Variants in PCDH7 observed in about 807,000 individuals in gnomAD.
PCDH7 encodes the protein protocadherin-7.
PCDH7 carries 17 observed loss-of-function variants against 58.9 expected under a neutral mutation model. That is an observed-to-expected ratio of 0.29 (90% CI 0.20 to 0.43). PCDH7 has a LOEUF of 0.43. PCDH7 is among the 20% of genes least tolerant of loss of function. PCDH7 has a pLI of 1.00. For synonymous variants in PCDH7, 664 were observed against 616.4 expected, an observed-to-expected ratio of 1.08 and a Z score of -1.14; for missense variants, 1,274 against 1,441.0, an observed-to-expected ratio of 0.88 and a Z score of 1.88.
intron 3 of PCDH7, among the ~76,000 whole-genome samples, chr4:31,107,642 T>C (rs1022766401): frequency 2.0e-5 from 3 of 152,202 alleles, no homozygotes; most frequent in Admixed American, 2.0e-4. Flanking sequence ...TTTCTTTGCT[T>C]CAGTTTCACT....
Position 30,935,387 on chromosome 4 carries a change from CA to C in PCDH7, c.288-14731del, listed in dbSNP as rs1178975383. 8.9e-6 allele frequency: 8 copies of C among 896,190 alleles called. No individual in the cohort carries two copies. In the Admixed American group the frequency reaches 4.3e-4, roughly 49 times the overall value. 55.5% of individuals were successfully genotyped at this position (896,190 alleles called of 1,614,324 possible). A position where few individuals can be genotyped will look rare whatever the true frequency, so the allele number is the denominator to read the frequency against. ...ACCTTTTGAATTCGCTATTGGTTTC[CA>C]ATTCTCTAGACTAAGAGTACATGGG... On this transcript the variant is annotated intron_variant, in intron 2 of 3. Coordinates refer to the PCDH7 transcript ENST00000509759.
At chr4:31,114,304 A>G (rs1716719153) in intron 3 of PCDH7, among the ~76,000 whole-genome samples, 1 of 152,090 alleles carries the variant, frequency 6.6e-6, no homozygotes, top group Non-Finnish European at 1.5e-5. Flanking sequence ...TCTTTGGGTA[A>G]ATAATAAATC....
intron 3 of PCDH7, among the ~76,000 whole-genome samples, chr4:31,061,079 C>CT (rs1757653530): frequency 6.6e-6 from 1 of 151,606 alleles, no homozygotes; most frequent in Non-Finnish European, 1.5e-5. Flanking sequence ...AAGTGCATGC[C>CT]TGTCCCCTGT....
At chr4:31,042,218 T>A (rs1348613562) in intron 3 of PCDH7, among the ~76,000 whole-genome samples, 2 of 152,188 alleles carry the variant, frequency 1.3e-5, no homozygotes, top group African/African-American at 4.8e-5. Flanking sequence ...CTCTCATCCC[T>A]GTTTTCTAGA....
intron 2 of PCDH7, among the ~76,000 whole-genome samples, chr4:30,935,918 A>T (rs1745284691): frequency 6.6e-6 from 1 of 152,114 alleles, no homozygotes; most frequent in South Asian, 2.1e-4. Context: ...TTGGAGCACA[A>T]AAGGCTTCAT....
intron 3 of PCDH7, among the ~76,000 whole-genome samples, chr4:31,125,365 C>T (rs1718175162): frequency 6.6e-6 from 1 of 152,188 alleles, no homozygotes; most frequent in African/African-American, 2.4e-5. Context: ...TTTGTAGTTA[C>T]CACTATATCT....
intron 1 of PCDH7, among the ~76,000 whole-genome samples, chr4:30,797,208 T>A (rs1192318316): frequency 6.6e-6 from 1 of 151,936 alleles, no homozygotes; most frequent in East Asian, 1.9e-4. Context: ...AGTGCTGGGA[T>A]TACAGGCGTT....
Position 30,920,211 on chromosome 4 carries a change from C to G in PCDH7, c.131C>G (p.Ser44Ter), listed in dbSNP as rs1264672241. 7.3e-7 allele frequency: 1 copy of G among 1,367,782 alleles called. No homozygotes were observed. Among genetic ancestry groups the G allele is most frequent in the African/African-American group, 1.5e-5 (1 of 67,838 alleles). The allele number at this position is 1,367,782 out of a possible 1,614,324, so 84.7% of individuals were successfully genotyped here. ...CAGCCTCAGGACCCACATCAGGGGT[C>G]ACTGCAGAGTTGCTATGACAGCGGG... Residue 44 changes from serine (S) to a stop codon, truncating the protein, a stop_gained, in exon 2 of 4, where the codon TCA (serine) becomes TGA (stop). Coordinates refer to the PCDH7 transcript ENST00000509759. LOFTEE classifies it high-confidence loss of function.
intron 3 of PCDH7, among the ~76,000 whole-genome samples, chr4:31,012,522 G>A (rs1441332632): frequency 1.3e-5 from 2 of 150,188 alleles, no homozygotes; most frequent in African/African-American, 4.8e-5. Context: ...AATACATTTT[G>A]TACCAATGAG....
intron 2 of PCDH7, among the ~76,000 whole-genome samples, chr4:30,927,679 A>T (rs1744052310): frequency 6.6e-6 from 1 of 152,080 alleles, no homozygotes; most frequent in Non-Finnish European, 1.5e-5. Context: ...AAGAGTCATC[A>T]CCACTCTCTA....
intron 3 of PCDH7, among the ~76,000 whole-genome samples, chr4:31,016,284 A>G (rs998983317): frequency 1.3e-5 from 2 of 152,188 alleles, no homozygotes; most frequent in Non-Finnish European, 2.9e-5. Context: ...GGTTGTGAAC[A>G]TTCTTTTAGG....
chr4:31,010,164 C>A (rs1256041298), intron 3 of PCDH7, among the ~76,000 whole-genome samples: 3 of 151,828 alleles, frequency 2.0e-5, no homozygotes, highest in African/African-American at 7.3e-5. Context: ...ATTTATAAAG[C>A]TGGGAGGGTT....
intron 2 of PCDH7, among the ~76,000 whole-genome samples, chr4:30,935,035 A>G (rs1222547934): frequency 6.6e-6 from 1 of 152,140 alleles, no homozygotes. Flanking sequence ...ATGCTAAAGT[A>G]TTACTGAAGT....
intron 3 of PCDH7, among the ~76,000 whole-genome samples, chr4:31,116,399 C>T (rs1716989774): frequency 6.6e-6 from 1 of 152,200 alleles, no homozygotes; most frequent in Non-Finnish European, 1.5e-5. Flanking sequence ...TAACATAACA[C>T]TATGAAAGCC....
chr4:31,079,327 T>TAG (rs1759288109), intron 3 of PCDH7, among the ~76,000 whole-genome samples: 1 of 48,870 alleles, frequency 2.0e-5, no homozygotes, highest in Non-Finnish European at 3.7e-5. Context: ...TATATATATA[T>TAG]ATATATATAT....
At chr4:30,907,122 G>A (rs1368149984) in intron 1 of PCDH7, among the ~76,000 whole-genome samples, 2 of 152,104 alleles carry the variant, frequency 1.3e-5, no homozygotes, top group Non-Finnish European at 2.9e-5. Context: ...ATTAAACCAA[G>A]ATTCAAGCTG....
chr4:30,824,103 C>CTTTCTTTCTTTCTTTCTTTT (rs1322132749), intron 1 of PCDH7, among the ~76,000 whole-genome samples: 7 of 128,764 alleles, frequency 5.4e-5, no homozygotes, highest in African/African-American at 2.1e-4. Flanking sequence ...TTCTTTCTTT[C>CTTTCTTTCTTTCTTTCTTTT]TTTCTTTCTT....
At chr4:30,946,102 C>G (rs1433637590) in intron 2 of PCDH7, among the ~76,000 whole-genome samples, 1 of 152,004 alleles carries the variant, frequency 6.6e-6, no homozygotes, top group Non-Finnish European at 1.5e-5. Flanking sequence ...GAGAGTCAGA[C>G]CCAGAATGAA....
chr4:30,998,438 A>T, intron 3 of PCDH7, among the ~76,000 whole-genome samples: 1 of 152,154 alleles, frequency 6.6e-6, no homozygotes, highest in East Asian at 1.9e-4. Context: ...TAGTTGTCTG[A>T]CTGAGATATA....
Sources: allele counts gnomAD v4.1 joint callset (sites outside exome capture counted in the v4.1 genomes callset), GRCh38; gene constraint gnomAD v4.1.1; transcripts MANE v1.5; gene names NCBI Gene and HGNC (gene_info 2026-07-23, HGNC 2026-07-21).